RBFOX1: variants seen among roughly 807,000 people sequenced by gnomAD.
The protein encoded by RBFOX1 is RNA binding fox-1 homolog 1, also known as RNA binding protein fox-1 homolog 1.
A neutral mutation model predicts 57.7 loss-of-function variants in RBFOX1; 8 were observed. The ratio of observed to expected loss-of-function variants is 0.14; its 90% CI spans 0.08 to 0.25. RBFOX1 has a LOEUF of 0.25. Among genes scored for constraint, RBFOX1 ranks in the 10% least tolerant of loss-of-function variants. The probability of loss-of-function intolerance (pLI) is 1.00; values close to 1 mark genes in which losing one functional copy is unlikely to be tolerated. For missense variants in RBFOX1, 611 were observed against 548.5 expected, an observed-to-expected ratio of 1.11 and a Z score of -1.14; for synonymous variants, 326 against 222.4, an observed-to-expected ratio of 1.47 and a Z score of -4.15.
chr16:6,315,575 GGA>G (rs2081010230), intron 1 of RBFOX1, among the ~76,000 whole-genome samples: 1 of 63,942 alleles, frequency 1.6e-5, no homozygotes, highest in Non-Finnish European at 4.0e-5. Context: ...ATGGATGGAT[GGA>G]TAGATGGATG....
intron 4 of RBFOX1, among the ~76,000 whole-genome samples, chr16:5,956,674 A>ATTT (rs1479571823): frequency 1.7e-4 from 15 of 89,216 alleles, no homozygotes; most frequent in African/African-American, 5.7e-4. Flanking sequence ...ATATATATAT[A>ATTT]TATATTTTTT....
chr16:7,180,615 G>A (rs2082506804), intron 4 of RBFOX1, among the ~76,000 whole-genome samples: 2 of 151,912 alleles, frequency 1.3e-5, no homozygotes, highest in East Asian at 3.9e-4. Flanking sequence ...AGGTGAGATG[G>A]TTGCCTATGG....
At chr16:5,684,597 C>G (rs2050445340) in intron 3 of RBFOX1, among the ~76,000 whole-genome samples, 1 of 152,146 alleles carries the variant, frequency 6.6e-6, no homozygotes, top group South Asian at 2.1e-4. Context: ...TATAAAATGA[C>G]CCCACGGTTA....
intron 3 of RBFOX1, among the ~76,000 whole-genome samples, chr16:6,732,320 C>G (rs2068828703): frequency 6.6e-6 from 1 of 152,314 alleles, no homozygotes; most frequent in East Asian, 1.9e-4. Context: ...GCCCCAGGCT[C>G]CTGTTCAGAT....
At chr16:6,610,391 A>C (rs2098027413) in intron 2 of RBFOX1, among the ~76,000 whole-genome samples, 1 of 152,138 alleles carries the variant, frequency 6.6e-6, no homozygotes, top group African/African-American at 2.4e-5. Context: ...GCAGTGGTGC[A>C]ATCATGGCTC....
rs532659541 is a variant in RBFOX1, at chr16:5,718,397, G to T, written c.318+119436G>T. Among the ~76,000 whole-genome samples, 4 of 152,288 alleles carry T rather than the reference G, an allele frequency of 2.6e-5. No homozygotes were observed. The South Asian group carries it at 6.2e-4, about 24-fold the overall frequency. ...AGACACATATGTGAGAATAAATGAG[G>T]GCTGAGTTAAGCCACTGAGTTTTGG... On this transcript the variant is annotated intron_variant, in intron 3 of 19. Coordinates refer to the RBFOX1 transcript ENST00000641259.
intron 3 of RBFOX1, among the ~76,000 whole-genome samples, chr16:6,807,732 C>G (rs758465626): frequency 2.6e-5 from 4 of 152,044 alleles, no homozygotes; most frequent in Non-Finnish European, 5.9e-5. Context: ...AGAAGAATCA[C>G]TTGAATCCAG....
chr16:6,809,573 C>G (rs1008361414), intron 3 of RBFOX1, among the ~76,000 whole-genome samples: 2 of 152,100 alleles, frequency 1.3e-5, no homozygotes, highest in African/African-American at 4.8e-5. Context: ...GTATATGAAG[C>G]CTTCAACCAA....
intron 4 of RBFOX1, among the ~76,000 whole-genome samples, chr16:7,310,003 C>G (rs1440738643): frequency 6.6e-6 from 1 of 152,226 alleles, no homozygotes; most frequent in Non-Finnish European, 1.5e-5. Flanking sequence ...CCCAAGAGAA[C>G]TCTGCCGGGC....
chr16:7,429,306 AGGACTT>A (rs1432307344), intron 4 of RBFOX1, among the ~76,000 whole-genome samples: 1 of 152,136 alleles, frequency 6.6e-6, no homozygotes, highest in African/African-American at 2.4e-5. Context: ...AGGGATCTCA[AGGACTT>A]GGCACAAGCC....
At chr16:7,684,514 A>G (rs1310681498) in intron 14 of RBFOX1, among the ~76,000 whole-genome samples, 1 of 152,096 alleles carries the variant, frequency 6.6e-6, no homozygotes, top group African/African-American at 2.4e-5. Context: ...TCTCGTAATT[A>G]TCCCAATCAT....
rs1263435716 is a variant in RBFOX1 at position 6,424,319 on chromosome 16, C to T, written c.-64+107262C>T. ...GCATTAAGGAGGCAGTCTAAGCTGT[C>T]TGGCAACTTGGAGGACAAGTATCAA... On this transcript the variant is annotated intron_variant, in intron 2 of 15. Coordinates refer to ENST00000550418, the MANE Select transcript of RBFOX1 (RefSeq NM_018723.4). Among the ~76,000 whole-genome samples, 3 of 152,298 alleles carry T rather than the reference C, an allele frequency of 2.0e-5. No individual in the cohort carries two copies. In the East Asian group the frequency reaches 5.8e-4, roughly 29 times the overall value.
intron 5 of RBFOX1, among the ~76,000 whole-genome samples, chr16:7,564,282 G>A (rs921095140): frequency 6.6e-6 from 1 of 152,000 alleles, no homozygotes; most frequent in African/African-American, 2.4e-5. Context: ...GCTCACCCCT[G>A]TAATCCCAGC....
At chr16:7,049,754 G>C (rs928942876) in intron 3 of RBFOX1, among the ~76,000 whole-genome samples, 1 of 152,248 alleles carries the variant, frequency 6.6e-6, no homozygotes, top group African/African-American at 2.4e-5. Flanking sequence ...ATTCTATACA[G>C]ATTTCCTTGC....
intron 4 of RBFOX1, among the ~76,000 whole-genome samples, chr16:7,343,967 A>G (rs2096944892): frequency 6.6e-6 from 1 of 152,144 alleles, no homozygotes; most frequent in Non-Finnish European, 1.5e-5. Context: ...AAGCAATACC[A>G]CCACAACCAA....
chr16:6,624,398 G>C (rs1484257860), intron 2 of RBFOX1, among the ~76,000 whole-genome samples: 1 of 152,140 alleles, frequency 6.6e-6, no homozygotes, highest in Admixed American at 6.5e-5. Context: ...TTGCAGGGCA[G>C]TATCCTTCAT....
chr16:7,206,440 A>T (rs916944956), intron 4 of RBFOX1, among the ~76,000 whole-genome samples: 7 of 148,970 alleles, frequency 4.7e-5, no homozygotes, highest in Middle Eastern at 3.5e-3. Flanking sequence ...TATATGTATT[A>T]TATTTCCTTA....
intron 1 of RBFOX1, among the ~76,000 whole-genome samples, chr16:6,246,973 G>C (rs1428471053): frequency 6.6e-6 from 1 of 152,168 alleles, no homozygotes; most frequent in Non-Finnish European, 1.5e-5. Flanking sequence ...GGGAGGCTGA[G>C]ACAGGAGAAT....
intron 4 of RBFOX1, among the ~76,000 whole-genome samples, chr16:7,225,905 A>AATAAATAAATAAATATAT (rs66510060): frequency 4.3e-5 from 4 of 93,752 alleles, no homozygotes; most frequent in African/African-American, 1.9e-4. Flanking sequence ...AAGTATAATA[A>AATAAATAAATAAATATAT]ATATATATAT....
Sources: allele counts gnomAD v4.1 joint callset (sites outside exome capture counted in the v4.1 genomes callset), GRCh38; gene constraint gnomAD v4.1.1; transcripts MANE v1.5; gene names NCBI Gene and HGNC (gene_info 2026-07-23, HGNC 2026-07-21).